Variants in TBCK observed in about 807,000 individuals in gnomAD.
TBCK encodes the protein TBC1 domain containing kinase.
A neutral mutation model predicts 113.4 loss-of-function variants in TBCK; 99 were observed. The ratio of observed to expected loss-of-function variants is 0.87; its 90% CI spans 0.74 to 1.03. TBCK has a LOEUF of 1.03. Among genes scored for constraint, TBCK ranks in the 50% least tolerant of loss-of-function variants. The pLI is 0.00. For missense variants in TBCK, 1,045 were observed against 1,061.3 expected (o/e 0.98, Z 0.21); for synonymous variants, 369 against 370.8 (o/e 1.00, Z 0.05).
chr4:106,134,973 G>A (rs2149633380), intron 23 of TBCK, among the ~76,000 whole-genome samples: 1 of 152,274 alleles, frequency 6.6e-6, no homozygotes, highest in Non-Finnish European at 1.5e-5. Flanking sequence ...TTGGTAGACT[G>A]TAGATCTTTA....
chr4:106,304,610 T>C lies in TBCK; in HGVS notation c.193+4158A>G, dbSNP rs751364209. 1.4e-4 allele frequency among the ~76,000 whole-genome samples: 21 copies of C among 152,148 alleles called. 1 individual carries two copies. The highest frequency in any genetic ancestry group is 2.6e-4 in the Non-Finnish European group (18 of 68,026). The stretch of plus-strand genomic sequence containing the variant: ...AATTTATAGTCCAACTAAAAAAATA[T>C]TAATATTACTAACCTCAAATCTTAT... On this transcript the variant is annotated intron_variant, in intron 2 of 25. Transcript: ENST00000394708.
At chr4:106,049,814 A>G (rs1313455811) in intron 25 of TBCK, among the ~76,000 whole-genome samples, 1 of 152,092 alleles carries the variant, frequency 6.6e-6, no homozygotes, top group Non-Finnish European at 1.5e-5. Flanking sequence ...TTAAACAGCA[A>G]TAACAAGGTT....
chr4:106,202,066 A>G (rs1678029719), intron 20 of TBCK, among the ~76,000 whole-genome samples: 1 of 152,024 alleles, frequency 6.6e-6, no homozygotes, highest in Non-Finnish European at 1.5e-5. Context: ...GGCATTTAGT[A>G]AACTTAAATA....
chr4:106,170,944 G>C, intron 23 of TBCK, 151 bp downstream of exon 23: 1 of 608,702 alleles, frequency 1.6e-6, no homozygotes. Context: ...TGGTTTTCTG[G>C]AATATTTCTA....
intron 22 of TBCK, among the ~76,000 whole-genome samples, chr4:106,178,754 G>C (rs1161933481): frequency 6.6e-6 from 1 of 151,644 alleles, no homozygotes; most frequent in Non-Finnish European, 1.5e-5. Context: ...TGTCCATCAG[G>C]GATATTGGTA....
intron 24 of TBCK, among the ~76,000 whole-genome samples, chr4:106,110,147 T>A (rs1048697066): frequency 6.6e-6 from 1 of 152,212 alleles, no homozygotes; most frequent in South Asian, 2.1e-4. Context: ...AAATCTGTAC[T>A]AAATAAATGC....
intron 20 of TBCK, among the ~76,000 whole-genome samples, chr4:106,195,508 G>GTGTGTGTT (rs1398702946): frequency 2.6e-5 from 4 of 151,780 alleles, no homozygotes; most frequent in Non-Finnish European, 4.4e-5. Context: ...GTGTGTGTGT[G>GTGTGTGTT]TTTGTGTGTG....
chr4:106,305,576 G>A (rs919175096), intron 2 of TBCK, among the ~76,000 whole-genome samples: 6 of 152,068 alleles, frequency 3.9e-5, no homozygotes, highest in African/African-American at 1.2e-4. Context: ...AGGCTGGAGT[G>A]CAGTGGCATG....
At chr4:106,122,602 T>G (rs77263269) in intron 23 of TBCK, among the ~76,000 whole-genome samples, 31,023 of 152,154 alleles carry the variant, frequency 0.2, 3,487 homozygotes, top group South Asian at 0.27. Context: ...ACATCCCTGA[T>G]GAACATTGAT....
chr4:106,057,328 A>G (rs1308659317), intron 25 of TBCK, among the ~76,000 whole-genome samples: 4 of 151,798 alleles, frequency 2.6e-5, no homozygotes, highest in Non-Finnish European at 2.9e-5. Flanking sequence ...TTTAATTGGG[A>G]TCAAGGGCAA....
At chr4:106,142,474 T>A (rs1747247277) in intron 23 of TBCK, among the ~76,000 whole-genome samples, 1 of 152,234 alleles carries the variant, frequency 6.6e-6, no homozygotes. Context: ...GAATCTCATA[T>A]AACATGGCCT....
Position 106,043,405 on chromosome 4 carries a change from G to T in TBCK, c.*3165C>A, listed in dbSNP as rs1382344206. On this transcript the variant is annotated 3_prime_UTR_variant, in exon 26 of 26. Transcript: ENST00000394708. Reference sequence around the variant, plus strand: ...TGGCAGTTGAAAAAAATTACCACAGGTTATTTTTATTTTTCTCCCTTCAAA... The same window carrying T: ...TGGCAGTTGAAAAAAATTACCACAGTTTATTTTTATTTTTCTCCCTTCAAA... 1 of 151,828 alleles carries T rather than the reference G, an allele frequency of 6.6e-6. No individual in the cohort carries two copies. Among genetic ancestry groups the T allele is most frequent in the East Asian group, 1.9e-4 (1 of 5,184 alleles). The allele number at this position is 151,828 out of a possible 1,614,324, so 9.4% of individuals were successfully genotyped here.
intron 2 of TBCK, among the ~76,000 whole-genome samples, chr4:106,308,566 G>C (rs1767793609): frequency 6.6e-6 from 1 of 152,184 alleles, no homozygotes. Context: ...GCCTAGTAAA[G>C]AGTTTGAATT....
chr4:106,127,182 T>G (rs1745319095), intron 23 of TBCK, among the ~76,000 whole-genome samples: 1 of 122,424 alleles, frequency 8.2e-6, no homozygotes, highest in African/African-American at 3.2e-5. Flanking sequence ...CACTCCAGCC[T>G]GGTGACAGAG....
At chr4:106,266,816 TG>T (rs777844842) in intron 3 of TBCK, among the ~76,000 whole-genome samples, 156 of 152,068 alleles carry the variant, frequency 1.0e-3, no homozygotes, top group Non-Finnish European at 2.0e-3. Flanking sequence ...CAGAATTTTA[TG>T]TACTTACTAG....
intron 20 of TBCK, among the ~76,000 whole-genome samples, chr4:106,204,848 C>A (rs1036792174): frequency 5.7e-4 from 83 of 146,462 alleles, no homozygotes; most frequent in Non-Finnish European, 8.0e-4. Flanking sequence ...TCACTGCAAG[C>A]TCCGCTTCCC....
chr4:106,128,762 T>C (rs1334623039), intron 23 of TBCK, among the ~76,000 whole-genome samples: 1 of 152,158 alleles, frequency 6.6e-6, no homozygotes, highest in Non-Finnish European at 1.5e-5. Context: ...ATTTTCTATT[T>C]TGAAACTTAA....
intron 22 of TBCK, 86 bp downstream of exon 22, chr4:106,193,523 A>G (rs1467743299): frequency 7.0e-7 from 1 of 1,428,342 alleles, no homozygotes; most frequent in Admixed American, 1.8e-5. Flanking sequence ...GAAGGCCTGG[A>G]TGGTTATTTT....
chr4:106,078,343 CA>C (rs528728138), intron 25 of TBCK, among the ~76,000 whole-genome samples: 1 of 152,008 alleles, frequency 6.6e-6, no homozygotes, highest in Non-Finnish European at 1.5e-5. Context: ...TCAATGCCCC[CA>C]AAAGTTGGTT....
Sources: allele counts gnomAD v4.1 joint callset (sites outside exome capture counted in the v4.1 genomes callset), GRCh38; gene constraint gnomAD v4.1.1; transcripts MANE v1.5; gene names NCBI Gene and HGNC (gene_info 2026-07-23, HGNC 2026-07-21).